Variants in FOXP1 observed in about 807,000 individuals in gnomAD.
FOXP1 encodes forkhead box protein P1.
FOXP1 carries 15 observed loss-of-function variants against 98.2 expected under a neutral mutation model. That is an observed-to-expected ratio of 0.15 (90% CI 0.10 to 0.24). FOXP1 has a LOEUF of 0.24. FOXP1 is among the 10% of genes least tolerant of loss of function. FOXP1 has a pLI of 1.00. For missense variants in FOXP1, 633 were observed against 848.5 expected, an observed-to-expected ratio of 0.75 and a Z score of 3.15; for synonymous variants, 371 against 314.5, an observed-to-expected ratio of 1.18 and a Z score of -1.90.
chr3:71,481,336 T>C (rs904189764), intron 3 of FOXP1, among the ~76,000 whole-genome samples: 1 of 152,212 alleles, frequency 6.6e-6, no homozygotes, highest in African/African-American at 2.4e-5. Context: ...ATACTGTTGG[T>C]AGGTGGCAGA....
chr3:71,021,628 G>A (rs913314883), intron 11 of FOXP1, among the ~76,000 whole-genome samples: 19 of 152,180 alleles, frequency 1.2e-4, no homozygotes, highest in Admixed American at 7.2e-4. Flanking sequence ...GCTTTCCAAA[G>A]CACTTTATAT....
At chr3:71,339,053 T>C (rs1356198245) in intron 4 of FOXP1, among the ~76,000 whole-genome samples, 1 of 152,230 alleles carries the variant, frequency 6.6e-6, no homozygotes, top group Non-Finnish European at 1.5e-5. Context: ...AGAAAGTCCA[T>C]CATATGTTTA....
At chr3:70,996,777 C>T (rs1323081493) in intron 13 of FOXP1, among the ~76,000 whole-genome samples, 2 of 152,248 alleles carry the variant, frequency 1.3e-5, no homozygotes, top group East Asian at 3.9e-4. Flanking sequence ...AAGATTCAAT[C>T]TGAGCTTACT....
chr3:71,125,085 T>C (rs1313745447), intron 6 of FOXP1, among the ~76,000 whole-genome samples: 1 of 152,218 alleles, frequency 6.6e-6, no homozygotes, highest in Admixed American at 6.5e-5. Context: ...ACTCTGACTC[T>C]TACCAAACAT....
chr3:71,111,198 T>C (rs1473424534), intron 7 of FOXP1, among the ~76,000 whole-genome samples: 1 of 152,158 alleles, frequency 6.6e-6, no homozygotes, highest in African/African-American at 2.4e-5. Context: ...CACCAAGTTA[T>C]ATACCTATCA....
chr3:71,051,969 G>A (rs1042663613), intron 9 of FOXP1, among the ~76,000 whole-genome samples: 1 of 152,156 alleles, frequency 6.6e-6, no homozygotes, highest in Admixed American at 6.5e-5. Context: ...ACCCAAGCTG[G>A]AGTCTTCTCT....
intron 17 of FOXP1, among the ~76,000 whole-genome samples, chr3:70,975,077 T>C (rs72960076): frequency 0.025 from 3,846 of 152,340 alleles, 134 homozygotes; most frequent in African/African-American, 0.085. Flanking sequence ...TATACGTATT[T>C]ATGAGTCACT....
chr3:71,301,683 C>A (rs896692229), intron 4 of FOXP1, among the ~76,000 whole-genome samples: 2 of 152,078 alleles, frequency 1.3e-5, no homozygotes, highest in African/African-American at 4.8e-5. Flanking sequence ...ATCATATAGG[C>A]CTGGCAAACA....
intron 4 of FOXP1, among the ~76,000 whole-genome samples, chr3:71,349,887 C>T (rs1293884696): frequency 1.3e-5 from 2 of 152,138 alleles, no homozygotes; most frequent in Non-Finnish European, 2.9e-5. Flanking sequence ...CCTCAGGTAC[C>T]AGATGAGAAA....
chr3:71,179,864 A>T (rs1029628348), intron 6 of FOXP1, among the ~76,000 whole-genome samples: 2 of 152,182 alleles, frequency 1.3e-5, no homozygotes, highest in Admixed American at 6.5e-5. Context: ...CGAATGTGTC[A>T]TTAATTGTGC....
chr3:71,569,864 G>A (rs1391283037), intron 2 of FOXP1, among the ~76,000 whole-genome samples: 1 of 151,254 alleles, frequency 6.6e-6, no homozygotes, highest in African/African-American at 2.4e-5. Context: ...CTCACTGCAA[G>A]CTCTGCCTCC....
At chr3:70,979,863 G>A (rs1333168190) in intron 14 of FOXP1, among the ~76,000 whole-genome samples, 3 of 151,354 alleles carry the variant, frequency 2.0e-5, no homozygotes, top group Admixed American at 1.3e-4. Context: ...TGAACCTGAA[G>A]AAAAGAAAGA....
intron 6 of FOXP1, among the ~76,000 whole-genome samples, chr3:71,169,850 A>G (rs2061563857): frequency 6.6e-6 from 1 of 152,158 alleles, no homozygotes; most frequent in Non-Finnish European, 1.5e-5. Flanking sequence ...TAAAGAGTAG[A>G]TAAGAAGAAG....
At chr3:71,467,948 A>G (rs1486327597) in intron 3 of FOXP1, among the ~76,000 whole-genome samples, 1 of 152,186 alleles carries the variant, frequency 6.6e-6, no homozygotes, top group Admixed American at 6.5e-5. Context: ...AATATGTTAC[A>G]AGTCTATTCA....
At position 71,481,882 on chromosome 3, in the gene FOXP1, T is replaced by C. The variant is rs146864264; in HGVS notation, c.-168+11544A>G. On this transcript the variant is annotated intron_variant, in intron 3 of 20. Transcript: ENST00000649528. ...CCTTTTCTCACTCGATGCTATTTTC[T>C]ACCTAGGCCTCCGTTTTATGAAAAC... Among the ~76,000 whole-genome samples, 511 of 152,280 alleles carry C rather than the reference T, an allele frequency of 3.4e-3. 3 individuals are homozygous for C. Among genetic ancestry groups the C allele is most frequent in the African/African-American group, 0.012 (484 of 41,564 alleles).
In FOXP1 at chr3:71,386,337, A is replaced by C. The variant is rs905584718; in HGVS notation, c.-167-27093T>G. On this transcript the variant is annotated intron_variant, in intron 3 of 20. Coordinates refer to ENST00000649528, the MANE Select transcript of FOXP1 (RefSeq NM_001349338.3). Reference sequence around the variant, plus strand: ...GTCAGTCCTCAAAAGGCTGATTCTTAAGCCACAGAGTCTAATTTGAAATCT... The same window carrying C: ...GTCAGTCCTCAAAAGGCTGATTCTTCAGCCACAGAGTCTAATTTGAAATCT... Among the ~76,000 whole-genome samples, 4 of 152,328 alleles carry C rather than the reference A, an allele frequency of 2.6e-5. No individual in the cohort carries two copies. The East Asian group carries it at 7.7e-4, about 29-fold the overall frequency.
At chr3:70,979,334 T>TGA (rs2038361723) in intron 14 of FOXP1, among the ~76,000 whole-genome samples, 1 of 120,416 alleles carries the variant, frequency 8.3e-6, no homozygotes. Context: ...AAAAATAAAT[T>TGA]AATGAGCACT....
intron 6 of FOXP1, among the ~76,000 whole-genome samples, chr3:71,145,655 C>T (rs960359713): frequency 1.3e-5 from 2 of 152,228 alleles, no homozygotes; most frequent in Admixed American, 6.5e-5. Context: ...TCCACATCTT[C>T]ACCCTCACTT....
At chr3:71,262,256 C>A (rs1243469737) in intron 5 of FOXP1, among the ~76,000 whole-genome samples, 1 of 75,082 alleles carries the variant, frequency 1.3e-5, no homozygotes, top group Non-Finnish European at 2.3e-5. Context: ...CAGGACAAGA[C>A]TCTGTCACAA....
Sources: gnomAD v4.1 joint callset for allele counts (sites outside exome capture counted in the v4.1 genomes callset) on GRCh38, gnomAD v4.1.1 for gene constraint, MANE v1.5 for transcripts, NCBI Gene and HGNC (gene_info 2026-07-23, HGNC 2026-07-21) for gene names.